CRACD: variants seen among roughly 807,000 people sequenced by gnomAD.
CRACD encodes the protein capping protein inhibiting regulator of actin dynamics, also known as capping protein-inhibiting regulator of actin dynamics.
A neutral mutation model predicts 106.8 loss-of-function variants in CRACD; 56 were observed. The ratio of observed to expected loss-of-function variants is 0.52; its 90% CI spans 0.42 to 0.66. The LOEUF is 0.66. Ranked by LOEUF, CRACD falls within the 30% of genes least tolerant of loss-of-function variation. The probability of loss-of-function intolerance (pLI) is 0.00; values close to 1 mark genes in which losing one functional copy is unlikely to be tolerated. For synonymous variants in CRACD, 754 were observed against 670.8 expected (o/e 1.12, Z -1.92); for missense variants, 1,730 against 1,623.2 (o/e 1.07, Z -1.13).
rs576183009 is a variant in CRACD, at chr4:56,258,006, G to A, written c.-188-14315G>A. ...AATCGCTTGAACCCGGGAGGCAGAG[G>A]TGGCAGTGAGCCTAGATCGCACCAC... On this transcript the variant is annotated intron_variant, in intron 2 of 10. Coordinates refer to ENST00000682029, the MANE Select transcript of CRACD (RefSeq NM_001393381.1). 7.9e-5 allele frequency among the ~76,000 whole-genome samples: 12 copies of A among 151,568 alleles called. No individual in the cohort carries two copies. In the South Asian group the frequency reaches 1.9e-3, roughly 24 times the overall value.
chr4:56,223,030 C>A (rs1250642742), intron 2 of CRACD, among the ~76,000 whole-genome samples: 1 of 148,102 alleles, frequency 6.8e-6, no homozygotes, highest in African/African-American at 2.5e-5. Context: ...AGTTAAGAAA[C>A]CAGTAAACTT....
At chr4:56,235,318 A>G (rs187410154) in intron 2 of CRACD, among the ~76,000 whole-genome samples, 2 of 152,360 alleles carry the variant, frequency 1.3e-5, no homozygotes, top group East Asian at 3.9e-4. Flanking sequence ...GGAACAATGA[A>G]ATATTACAGA....
intron 3 of CRACD, among the ~76,000 whole-genome samples, chr4:56,276,974 G>A (rs191420630): frequency 9.8e-5 from 15 of 152,342 alleles, no homozygotes; most frequent in African/African-American, 2.9e-4. Context: ...GGAACAGTCG[G>A]GAAAGGGTTC....
intron 1 of CRACD, among the ~76,000 whole-genome samples, chr4:56,145,160 A>G (rs912540904): frequency 2.0e-5 from 3 of 152,196 alleles, no homozygotes; most frequent in African/African-American, 7.2e-5. Flanking sequence ...AAGCTCATCC[A>G]TATCTGTGTT....
intron 1 of CRACD, among the ~76,000 whole-genome samples, chr4:56,066,879 G>A (rs185508338): frequency 4.1e-4 from 63 of 152,264 alleles, no homozygotes; most frequent in African/African-American, 1.4e-3. Flanking sequence ...TATTATATGT[G>A]ACTGAAAAAC....
At position 56,314,916 on chromosome 4, in the gene CRACD, C is replaced by T; in HGVS notation, c.1414C>T (p.Gln472Ter). Residue 472 changes from glutamine to a stop codon, truncating the protein, a stop_gained, in exon 8 of 11, where the codon CAG becomes TAG. Transcript: ENST00000682029. LOFTEE classifies it high-confidence loss of function. The surrounding 1 kb of genome is among the most constrained non-coding windows in gnomAD (Gnocchi z 4.4). ...REQQGRSGDFQGADRPGPEEK... is the reference protein window; with the variant it reads ...REQQGRSGDF ...GCAGCAGGGAAGGAGCGGGGATTTC[C>T]AGGGGGCCGATCGTCCTGGGCCCGA... is the stretch of plus-strand genomic sequence containing the variant. 6.2e-7 allele frequency: 1 copy of T among 1,606,020 alleles called. No individual in the cohort carries two copies. Among genetic ancestry groups the T allele is most frequent in the South Asian group, 1.1e-5 (1 of 89,118 alleles).
intron 1 of CRACD, among the ~76,000 whole-genome samples, chr4:56,157,026 A>G (rs1442494316): frequency 6.6e-6 from 1 of 151,064 alleles, no homozygotes; most frequent in African/African-American, 2.5e-5. Flanking sequence ...TAAACTAGTA[A>G]ATATGATAAA....
chr4:56,160,420 A>G (rs1434136089), intron 1 of CRACD, among the ~76,000 whole-genome samples: 1 of 151,542 alleles, frequency 6.6e-6, no homozygotes, highest in Non-Finnish European at 1.5e-5. Flanking sequence ...CTGAGCTCAA[A>G]CAGTCTGCCC....
intron 1 of CRACD, among the ~76,000 whole-genome samples, chr4:56,177,201 T>C (rs544564721): frequency 5.4e-4 from 82 of 152,338 alleles, no homozygotes; most frequent in Non-Finnish European, 9.3e-4. Context: ...GGTTTGGTTT[T>C]GTCATACACG....
intron 2 of CRACD, among the ~76,000 whole-genome samples, chr4:56,258,079 AC>A (rs376873456): frequency 6.6e-6 from 1 of 151,108 alleles, no homozygotes; most frequent in Non-Finnish European, 1.5e-5. Flanking sequence ...AGAAAAAAAA[AC>A]AAAAAAAAAA....
chr4:56,143,787 A>G (rs546327548), intron 1 of CRACD, among the ~76,000 whole-genome samples: 1 of 152,158 alleles, frequency 6.6e-6, no homozygotes, highest in Non-Finnish European at 1.5e-5. Flanking sequence ...TATTTTAATA[A>G]ACATATAGAA....
chr4:56,134,927 G>C (rs28433043), intron 1 of CRACD, among the ~76,000 whole-genome samples: 11,476 of 151,744 alleles, frequency 0.076, 545 homozygotes, highest in Admixed American at 0.14. Context: ...AGAACAGATT[G>C]ATACTGGCTT....
intron 8 of CRACD, among the ~76,000 whole-genome samples, chr4:56,322,058 A>G (rs547369354): frequency 1.2e-3 from 179 of 152,358 alleles, no homozygotes; most frequent in Non-Finnish European, 1.6e-3. Context: ...GATTTCAAAA[A>G]CAATACTATA....
chr4:56,277,763 T>C (rs1742762422), intron 3 of CRACD, among the ~76,000 whole-genome samples: 2 of 152,182 alleles, frequency 1.3e-5, no homozygotes, highest in African/African-American at 4.8e-5. Context: ...TCCTAAGGAA[T>C]ACACACACAG....
chr4:56,117,868 C>T (rs533202925), intron 1 of CRACD, among the ~76,000 whole-genome samples: 1 of 152,152 alleles, frequency 6.6e-6, no homozygotes, highest in Admixed American at 6.5e-5. Context: ...AGTGATTCTT[C>T]TGCCTCAGCC....
rs1260652802 is a variant in CRACD at position 56,314,632 on chromosome 4, C to T, written c.1130C>T (p.Ala377Val). ...EGWEELEQQE[A>V]EVQGPPEALE... is the part of the protein sequence containing the mutation. ...TGGGAAGAGCTGGAACAGCAGGAGG[C>T]GGAGGTGCAGGGGCCGCCCGAGGCG... is the stretch of plus-strand genomic sequence containing the variant. The change falls in exon 8 of 11, where the codon GCG (alanine) becomes GTG (valine). Residue 377 changes from alanine (A) to valine (V), a missense_variant. This residue lies in a region of CRACD where 1,620 missense variants were observed against 1,481.6 expected (regional missense o/e 1.09). Coordinates refer to ENST00000682029, the MANE Select transcript of CRACD (RefSeq NM_001393381.1). This position sits in a 1 kb window ranked among gnomAD's most constrained non-coding sequence, Gnocchi z 4.4. 5.2e-6 allele frequency: 8 copies of T among 1,538,510 alleles called. No homozygotes were observed. In the Admixed American group the frequency reaches 8.0e-5, roughly 15 times the overall value.
chr4:56,063,472 AC>A lies in CRACD; in HGVS notation c.-336+14174del, dbSNP rs1183561017. Among the ~76,000 whole-genome samples, 6 of 152,306 alleles carry A rather than the reference AC, an allele frequency of 3.9e-5. 1 individual carries two copies. The East Asian group carries it at 1.2e-3, about 29-fold the overall frequency. On this transcript the variant is annotated intron_variant, in intron 1 of 10. Coordinates refer to ENST00000682029, the MANE Select transcript of CRACD (RefSeq NM_001393381.1). ...TTCACAGTGTCAAGCAGGCATCACC[AC>A]TGTCCATTTTCAGAACTTTTTCATC...
At chr4:56,323,913 G>A (rs928486001) in intron 9 of CRACD, among the ~76,000 whole-genome samples, 191 bp from the exon 10 acceptor site, 1 of 152,220 alleles carries the variant, frequency 6.6e-6, no homozygotes, top group Non-Finnish European at 1.5e-5. Context: ...TCCCTGTTAG[G>A]CACACTGGCT....
intron 2 of CRACD, among the ~76,000 whole-genome samples, chr4:56,236,925 A>G (rs1226126039): frequency 6.6e-6 from 1 of 152,226 alleles, no homozygotes; most frequent in African/African-American, 2.4e-5. Context: ...GAAGATTCAG[A>G]GAAATCTCAT....
Sources: gnomAD v4.1 joint callset for allele counts (sites outside exome capture counted in the v4.1 genomes callset) on GRCh38, gnomAD v4.1.1 for gene constraint, gnomAD v4.1.1 regional missense constraint, Gnocchi (gnomAD v3.1) non-coding constraint, MANE v1.5 for transcripts, NCBI Gene and HGNC (gene_info 2026-07-23, HGNC 2026-07-21) for gene names.